XIAP: variants seen among roughly 807,000 people sequenced by gnomAD.
XIAP encodes X-linked inhibitor of apoptosis, also known as E3 ubiquitin-protein ligase XIAP.
Under a neutral mutation model 33.1 loss-of-function variants are expected in XIAP, and 3 were observed. The observed-to-expected ratio is 0.09, with a 90% confidence interval of 0.04 to 0.23. XIAP has a LOEUF of 0.23. Among genes scored for constraint, XIAP ranks in the 10% least tolerant of loss-of-function variants. XIAP has a pLI of 1.00. For synonymous variants in XIAP, 98 were observed against 121.3 expected (o/e 0.81, Z 1.26); for missense variants, 264 against 363.0 (o/e 0.73, Z 2.22).
intron 1 of XIAP, among the ~76,000 whole-genome samples, chrX:123,864,932 T>C (rs2053120332): frequency 1.8e-5 from 2 of 108,379 alleles, no homozygotes; most frequent in Non-Finnish European, 1.9e-5. Flanking sequence ...TCTGCCTGCG[T>C]TGGCCTCCTA....
At chrX:123,894,482 C>G (rs923603234) in intron 5 of XIAP, among the ~76,000 whole-genome samples, 6 of 112,097 alleles carry the variant, frequency 5.4e-5, no homozygotes, top group Non-Finnish European at 9.4e-5. Flanking sequence ...TTAAGAATTA[C>G]AAGCGGCTGG....
chrX:123,884,457 TG>T (rs1233711881), intron 1 of XIAP, among the ~76,000 whole-genome samples: 3 of 100,583 alleles, frequency 3.0e-5, no homozygotes, highest in Non-Finnish European at 6.0e-5. Flanking sequence ...CACTCCAGCC[TG>T]GGCAGCAAGA....
rs1186271285 is a variant in XIAP, at chrX:123,899,144, A to AAAAAAAAAAAT, written c.1100-1348_1100-1347insAAAAAAAAATA. Among the ~76,000 whole-genome samples, 25 of 50,165 alleles carry AAAAAAAAAAAT rather than the reference A, an allele frequency of 5.0e-4. 5 individuals carry two copies. Among genetic ancestry groups the AAAAAAAAAAAT allele is most frequent in the Non-Finnish European group, 8.1e-4 (23 of 28,382 alleles). The allele number at this position is 50,165 out of a possible 115,157, so 43.6% of individuals were successfully genotyped here. On this transcript the variant is annotated intron_variant, in intron 5 of 6. Coordinates refer to ENST00000371199, the MANE Select transcript of XIAP (RefSeq NM_001167.4). Reference sequence around the variant, plus strand: ...CAAAAAAAAAAAAAAAAAAAAAAAAAATATATATATATATATATATATGAT... The same window carrying AAAAAAAAAAAT: ...CAAAAAAAAAAAAAAAAAAAAAAAAAAAAAAAAAAATATATATATATATATATATATATGAT...
intron 5 of XIAP, among the ~76,000 whole-genome samples, chrX:123,899,442 A>G (rs2053497395): frequency 9.4e-6 from 1 of 106,546 alleles, no homozygotes; most frequent in Admixed American, 1.1e-4. Flanking sequence ...GTTAAAATAT[A>G]TATATTTATC....
In XIAP at chrX:123,911,161, A is replaced by G. The variant is rs1053390824; in HGVS notation, c.*3980A>G. On this transcript the variant is annotated 3_prime_UTR_variant, in exon 7 of 7. Transcript: ENST00000371199. ...TGATAACTCAGTGATGCTTACTCAT[A>G]GTTTTTGGTGTTTCTCATAGATAAG... 3.0e-6 allele frequency: 1 copy of G among 329,090 alleles called. No homozygotes were observed. Among genetic ancestry groups the G allele is most frequent in the Non-Finnish European group, 5.9e-6 (1 of 169,953 alleles). The allele number at this position is 329,090 out of a possible 1,213,427, so 27.1% of individuals were successfully genotyped here.
chrX:123,882,157 T>A (rs930615502), intron 1 of XIAP, among the ~76,000 whole-genome samples: 1 of 112,075 alleles, frequency 8.9e-6, no homozygotes, highest in African/African-American at 3.2e-5. Context: ...TCAGGATAAT[T>A]ATAGACTTGG....
chrX:123,892,105 C>T (rs1279225866), intron 4 of XIAP, among the ~76,000 whole-genome samples: 1 of 111,699 alleles, frequency 9.0e-6, no homozygotes, highest in African/African-American at 3.2e-5. Context: ...GTGGCTCACG[C>T]CTGTAATCCC....
At chrX:123,888,853 G>A (rs747119269) in intron 3 of XIAP, 135 bp downstream of exon 3, 1 of 543,097 alleles carries the variant, frequency 1.8e-6, no homozygotes, top group East Asian at 3.6e-5. Flanking sequence ...AATGAGCAAG[G>A]TTTATAAGCC....
At chrX:123,871,526 T>C (rs952254550) in intron 1 of XIAP, among the ~76,000 whole-genome samples, 1 of 109,944 alleles carries the variant, frequency 9.1e-6, no homozygotes, top group African/African-American at 3.3e-5. Context: ...CTTTCTTTTT[T>C]TTTTTTTGAG....
intron 6 of XIAP, among the ~76,000 whole-genome samples, chrX:123,901,061 G>A (rs756391740): frequency 5.0e-4 from 52 of 103,585 alleles, no homozygotes; most frequent in African/African-American, 1.7e-3. Context: ...CTACTTTTAG[G>A]AACACTAATC....
Position 123,909,535 on chromosome X carries a change from A to G in XIAP, c.*2354A>G, listed in dbSNP as rs1452620880. The G allele has an allele frequency of 3.1e-6, 1 of 325,543 alleles. No individual in the cohort carries two copies. Among genetic ancestry groups the G allele is most frequent in the Admixed American group, 3.2e-5 (1 of 31,416 alleles). The allele number at this position is 325,543 out of a possible 1,213,427, so 26.8% of individuals were successfully genotyped here. ...AGGGGAGAAAAGTGTTAAAATTTTT[A>G]AAATATGTTTTCCAGGACACTTCAC... On this transcript the variant is annotated 3_prime_UTR_variant, in exon 7 of 7. Transcript: ENST00000371199.
chrX:123,864,681 T>TGTGTG (rs2053115165), intron 1 of XIAP, among the ~76,000 whole-genome samples: 11 of 74,433 alleles, frequency 1.5e-4, no homozygotes, highest in African/African-American at 3.1e-4. Flanking sequence ...TGTGTGTGTG[T>TGTGTG]TTTAGTAAAG....
At position 123,909,085 on chromosome X, in the gene XIAP, G is replaced by A. The variant is rs751700391; in HGVS notation, c.*1904G>A. On this transcript the variant is annotated 3_prime_UTR_variant, in exon 7 of 7. Coordinates refer to ENST00000371199, the MANE Select transcript of XIAP (RefSeq NM_001167.4). ...TGCTTGTCACCCAGGCTGGAGTGCAGTGGAGTGATCTCTGCTCACTGCAAC... is the reference window on the plus strand; with the variant it reads ...TGCTTGTCACCCAGGCTGGAGTGCAATGGAGTGATCTCTGCTCACTGCAAC... The A allele has an allele frequency of 1.5e-3, 418 of 280,735 alleles. No individual in the cohort carries two copies. The highest frequency in any genetic ancestry group is 2.3e-3 in the Non-Finnish European group (340 of 150,853). The allele number at this position is 280,735 out of a possible 1,213,427, so 23.1% of individuals were successfully genotyped here.
At chrX:123,889,193 C>T (rs1379712932) in intron 3 of XIAP, among the ~76,000 whole-genome samples, 3 of 108,329 alleles carry the variant, frequency 2.8e-5, no homozygotes, top group South Asian at 4.1e-4. Context: ...CAGGTTCAAG[C>T]GATTCTCCTG....
rs771891260 is a variant in XIAP at position 123,900,706 on chromosome X, G to C, written c.1300+13G>C. On this transcript the variant is annotated intron_variant, in intron 6 of 6. Coordinates refer to ENST00000371199, the MANE Select transcript of XIAP (RefSeq NM_001167.4). ...TCATTACAGAAAGGTATGCATTGCT[G>C]TTTTTAAAAAGCAAGAAAGGGCCAG... 8.3e-7 allele frequency: 1 copy of C among 1,201,933 alleles called. No homozygotes were observed. The highest frequency in any genetic ancestry group is 1.1e-6 in the Non-Finnish European group (1 of 887,836).
chrX:123,908,884 C>T lies in XIAP; in HGVS notation c.*1703C>T. 2.9e-6 allele frequency: 1 copy of T among 350,814 alleles called. No homozygotes were observed. The highest frequency in any genetic ancestry group is 5.5e-6 in the Non-Finnish European group (1 of 183,157). The allele number at this position is 350,814 out of a possible 1,213,427, so 28.9% of individuals were successfully genotyped here. ...TTGTAGAGGTGAGTAAGGCATGTTA[C>T]TACAGAGGAAAGTTTGAGAGTAAAA... is the stretch of plus-strand genomic sequence containing the variant. On this transcript the variant is annotated 3_prime_UTR_variant, in exon 7 of 7. Coordinates refer to ENST00000371199, the MANE Select transcript of XIAP (RefSeq NM_001167.4).
intron 5 of XIAP, among the ~76,000 whole-genome samples, chrX:123,894,998 C>A (rs868039086): frequency 9.6e-6 from 1 of 104,281 alleles, no homozygotes; most frequent in African/African-American, 3.6e-5. Flanking sequence ...ATAAATAAAA[C>A]ATAAATTCAG....
At chrX:123,897,973 A>C (rs891657420) in intron 5 of XIAP, among the ~76,000 whole-genome samples, 1 of 112,425 alleles carries the variant, frequency 8.9e-6, no homozygotes, top group African/African-American at 3.2e-5. Flanking sequence ...AAACAAGTCA[A>C]AGATAGGAGA....
In XIAP at chrX:123,912,955, A is replaced by G. The variant is rs1019105206; in HGVS notation, c.*5774A>G. On this transcript the variant is annotated 3_prime_UTR_variant, in exon 7 of 7. Coordinates refer to ENST00000371199, the MANE Select transcript of XIAP (RefSeq NM_001167.4). ...GCCACCACGGCCGGCTAATTTTTGT[A>G]TTTTTTAGTAGTGACTGGTTTCGCG... The G allele has an allele frequency of 7.1e-6, 2 of 282,023 alleles. No homozygotes were observed. Among genetic ancestry groups the G allele is most frequent in the African/African-American group, 5.7e-5 (2 of 35,108 alleles). The allele number at this position is 282,023 out of a possible 1,213,427, so 23.2% of individuals were successfully genotyped here.
Sources: gnomAD v4.1 joint callset for allele counts (sites outside exome capture counted in the v4.1 genomes callset) on GRCh38, gnomAD v4.1.1 for gene constraint, MANE v1.5 for transcripts, NCBI Gene and HGNC (gene_info 2026-07-23, HGNC 2026-07-21) for gene names.